The following IQGAP2 variants were observed in gnomAD, a reference collection of about 807,000 sequenced individuals.
IQGAP2 encodes the protein ras GTPase-activating-like protein IQGAP2.
A neutral mutation model predicts 201.3 loss-of-function variants in IQGAP2; 173 were observed. The observed-to-expected ratio is 0.86, with a 90% CI of 0.76 to 0.98. The LOEUF is 0.98. Ranked by LOEUF, IQGAP2 falls within the 50% of genes least tolerant of loss-of-function variation. The pLI is 0.00. For synonymous variants in IQGAP2, 675 were observed against 673.9 expected (o/e 1.00, Z -0.03); for missense variants, 1,687 against 1,864.8 (o/e 0.90, Z 1.76).
chr5:76,661,092 C>G (rs1235927499), intron 21 of IQGAP2, among the ~76,000 whole-genome samples: 5 of 152,100 alleles, frequency 3.3e-5, no homozygotes, highest in Admixed American at 3.3e-4. Context: ...TTATCTTCTC[C>G]CCCTCCTCCC....
chr5:76,562,107 CCTT>C (rs1240171701), intron 2 of IQGAP2, among the ~76,000 whole-genome samples: 1 of 152,196 alleles, frequency 6.6e-6, no homozygotes, highest in Non-Finnish European at 1.5e-5. Flanking sequence ...TTGGCCTTTT[CCTT>C]CTTTGGCACA....
chr5:76,692,178 A>G (rs73127565), intron 30 of IQGAP2, among the ~76,000 whole-genome samples: 1,962 of 152,204 alleles, frequency 0.013, 38 homozygotes, highest in Admixed American at 0.043. Context: ...CTGAGATGGT[A>G]TCTCACTCTG....
intron 2 of IQGAP2, among the ~76,000 whole-genome samples, chr5:76,472,117 G>C (rs776200398): frequency 4.6e-5 from 7 of 152,200 alleles, no homozygotes; most frequent in Non-Finnish European, 1.0e-4. Flanking sequence ...TCTGGCACCT[G>C]GTTGAGGGGA....
At chr5:76,454,950 A>AGAT (rs1339831213) in intron 1 of IQGAP2, among the ~76,000 whole-genome samples, 1 of 152,148 alleles carries the variant, frequency 6.6e-6, no homozygotes, top group Non-Finnish European at 1.5e-5. Context: ...CCTCTTCAGC[A>AGAT]CCTGTTGTTT....
At chr5:76,496,733 C>G (rs1580321131) in intron 2 of IQGAP2, among the ~76,000 whole-genome samples, 1 of 37,642 alleles carries the variant, frequency 2.7e-5, no homozygotes, top group African/African-American at 1.5e-4. Flanking sequence ...TCTTTTCTTT[C>G]TTTCTTTCTT....
At chr5:76,598,461 CAAAA>C (rs796144866) in intron 10 of IQGAP2, among the ~76,000 whole-genome samples, 109 of 150,254 alleles carry the variant, frequency 7.3e-4, no homozygotes, top group Middle Eastern at 3.4e-3. Context: ...AAATGACAAA[CAAAA>C]AAAAAGTTTA....
At chr5:76,419,673 C>CTTTTTT (rs57338854) in intron 1 of IQGAP2, among the ~76,000 whole-genome samples, 1 of 141,812 alleles carries the variant, frequency 7.1e-6, no homozygotes. Context: ...CTTTTCTTTT[C>CTTTTTT]TTTTTTTTTT....
intron 13 of IQGAP2, chr5:76,623,471 C>T (rs1749921248): frequency 2.0e-6 from 1 of 512,178 alleles, no homozygotes; most frequent in Non-Finnish European, 3.5e-6. Context: ...TACGTTATCC[C>T]TGGAGAAAGG....
At chr5:76,508,418 C>A (rs979402056) in intron 2 of IQGAP2, among the ~76,000 whole-genome samples, 7 of 152,112 alleles carry the variant, frequency 4.6e-5, no homozygotes, top group Non-Finnish European at 8.8e-5. Flanking sequence ...TATCATATGC[C>A]ATTAGGGAAT....
intron 2 of IQGAP2, among the ~76,000 whole-genome samples, chr5:76,513,636 CAAGTACATGACACCGTGGA>C (rs1758123684): frequency 6.6e-6 from 1 of 152,190 alleles, no homozygotes; most frequent in African/African-American, 2.4e-5. Flanking sequence ...GGTATGATTC[CAAGTACATGACACCGTGGA>C]AAAGGCAAAA....
At chr5:76,614,311 T>G (rs1291744781) in intron 13 of IQGAP2, among the ~76,000 whole-genome samples, 1 of 152,148 alleles carries the variant, frequency 6.6e-6, no homozygotes, top group Non-Finnish European at 1.5e-5. Flanking sequence ...CATGGTGTGA[T>G]TAGAGCATTG....
At chr5:76,474,233 G>T (rs1317800708) in intron 2 of IQGAP2, among the ~76,000 whole-genome samples, 1 of 152,152 alleles carries the variant, frequency 6.6e-6, no homozygotes, top group East Asian at 1.9e-4. Flanking sequence ...TTAGTTCCAT[G>T]AGTCTCTATA....
chr5:76,471,708 TAA>T (rs11317899), intron 2 of IQGAP2, among the ~76,000 whole-genome samples: 197 of 150,740 alleles, frequency 1.3e-3, no homozygotes, highest in African/African-American at 4.4e-3. Context: ...ATGATTAGTT[TAA>T]AAAAAAAAAG....
intron 1 of IQGAP2, among the ~76,000 whole-genome samples, chr5:76,460,860 CTTT>C (rs61258350): frequency 1.2e-4 from 14 of 113,542 alleles, no homozygotes; most frequent in Middle Eastern, 9.8e-3. Context: ...TTGCACACTG[CTTT>C]TTTTTTTTTT....
At chr5:76,675,803 C>T (rs867741159) in intron 27 of IQGAP2, among the ~76,000 whole-genome samples, 3 of 152,082 alleles carry the variant, frequency 2.0e-5, no homozygotes, top group Non-Finnish European at 4.4e-5. Flanking sequence ...GAGAAAATTG[C>T]CCCAAATCCT....
chr5:76,702,803 GCAGT>G (rs34100308), intron 35 of IQGAP2, among the ~76,000 whole-genome samples: 48,842 of 151,218 alleles, frequency 0.32, 7,952 homozygotes, highest in Non-Finnish European at 0.35. Flanking sequence ...GCAAACCATA[GCAGT>G]CAGTTTCTCT....
At chr5:76,696,835 CTATTA>C (rs2150548020) in intron 32 of IQGAP2, among the ~76,000 whole-genome samples, 1 of 151,910 alleles carries the variant, frequency 6.6e-6, no homozygotes, top group East Asian at 1.9e-4. Flanking sequence ...AATGAATATT[CTATTA>C]TATGAAGAAT....
intron 2 of IQGAP2, among the ~76,000 whole-genome samples, chr5:76,502,041 A>G (rs904224900): frequency 6.6e-6 from 1 of 152,182 alleles, no homozygotes; most frequent in Non-Finnish European, 1.5e-5. Flanking sequence ...GCCCATGAAG[A>G]CGTGGCCCTG....
intron 28 of IQGAP2, among the ~76,000 whole-genome samples, chr5:76,682,564 C>T (rs1246164769): frequency 1.3e-5 from 2 of 152,096 alleles, no homozygotes; most frequent in Admixed American, 6.6e-5. Flanking sequence ...CAAGACACCC[C>T]AGCAGATGTT....
Sources: gnomAD v4.1 joint callset for allele counts (sites outside exome capture counted in the v4.1 genomes callset) on GRCh38, gnomAD v4.1.1 for gene constraint, MANE v1.5 for transcripts, NCBI Gene and HGNC (gene_info 2026-07-23, HGNC 2026-07-21) for gene names.